FHIT: variants seen among roughly 807,000 people sequenced by gnomAD.
The protein encoded by FHIT is fragile histidine triad diadenosine triphosphatase, also known as bis(5'-adenosyl)-triphosphatase.
FHIT carries 19 observed loss-of-function variants against 17.9 expected under a neutral mutation model. The observed-to-expected ratio is 1.06, with a 90% CI of 0.74 to 1.56. FHIT has a LOEUF of 1.56. Ranked by LOEUF, FHIT falls within the 40% of genes most tolerant of loss-of-function variation. The pLI, the probability that FHIT is intolerant of heterozygous loss-of-function variation, is 0.00. For synonymous variants in FHIT, 81 were observed against 69.7 expected (o/e 1.16, Z -0.81); for missense variants, 248 against 189.2 (o/e 1.31, Z -1.82).
At chr3:59,908,272 C>T (rs573322625) in intron 8 of FHIT, among the ~76,000 whole-genome samples, 10 of 152,302 alleles carry the variant, frequency 6.6e-5, no homozygotes, top group Middle Eastern at 3.4e-3. Flanking sequence ...CACAGCTTTG[C>T]AAAGAGAATA....
intron 3 of FHIT, among the ~76,000 whole-genome samples, chr3:61,012,594 T>A: frequency 6.6e-6 from 1 of 151,948 alleles, no homozygotes; most frequent in East Asian, 1.9e-4. Context: ...ACAAATAATA[T>A]TTGACTTGAT....
At chr3:60,242,291 T>C (rs1241985762) in intron 5 of FHIT, among the ~76,000 whole-genome samples, 1 of 147,616 alleles carries the variant, frequency 6.8e-6, no homozygotes, top group Non-Finnish European at 1.5e-5. Context: ...AGGAAATTTG[T>C]TTAAAATCCT....
intron 5 of FHIT, among the ~76,000 whole-genome samples, chr3:60,291,123 G>C (rs1030379081): frequency 1.3e-5 from 2 of 152,142 alleles, no homozygotes; most frequent in African/African-American, 4.8e-5. Context: ...CAAGGAGTGA[G>C]GTTAAATGGG....
chr3:59,981,778 C>T (rs1040918145), intron 7 of FHIT, among the ~76,000 whole-genome samples: 1 of 152,014 alleles, frequency 6.6e-6, no homozygotes, highest in African/African-American at 2.4e-5. Context: ...GCCAAATTAA[C>T]CTGAAATGCA....
chr3:60,118,173 A>G (rs1200342029), intron 5 of FHIT, among the ~76,000 whole-genome samples: 1 of 151,978 alleles, frequency 6.6e-6, no homozygotes, highest in Non-Finnish European at 1.5e-5. Flanking sequence ...GTAGTGCAAT[A>G]ATGTCTCACC....
At chr3:59,835,022 A>T (rs570239172) in intron 8 of FHIT, among the ~76,000 whole-genome samples, 2 of 152,288 alleles carry the variant, frequency 1.3e-5, no homozygotes, top group African/African-American at 4.8e-5. Context: ...TTTTATGTAG[A>T]TATGCAAAGA....
chr3:59,879,564 A>ATGTGTG (rs1703310590), intron 8 of FHIT, among the ~76,000 whole-genome samples: 1 of 152,206 alleles, frequency 6.6e-6, no homozygotes, highest in Non-Finnish European at 1.5e-5. Flanking sequence ...TGAAATCTTA[A>ATGTGTG]CTATGTGATG....
At chr3:61,041,774 A>C (rs1391844655) in intron 3 of FHIT, among the ~76,000 whole-genome samples, 2 of 152,204 alleles carry the variant, frequency 1.3e-5, no homozygotes, top group Non-Finnish European at 2.9e-5. Flanking sequence ...TTTTGAGCTA[A>C]TAAAATGCAT....
At chr3:61,239,620 T>C (rs1410577732) in intron 1 of FHIT, among the ~76,000 whole-genome samples, 1 of 151,952 alleles carries the variant, frequency 6.6e-6, no homozygotes, top group African/African-American at 2.4e-5. Flanking sequence ...CTATGTGTTA[T>C]CTGTCCCCTT....
intron 5 of FHIT, among the ~76,000 whole-genome samples, chr3:60,220,278 G>C (rs1703902988): frequency 6.6e-6 from 1 of 151,908 alleles, no homozygotes. Flanking sequence ...GATAAAACTG[G>C]GTATAAATGC....
At chr3:60,857,526 T>A (rs1487759037) in intron 3 of FHIT, among the ~76,000 whole-genome samples, 4 of 151,900 alleles carry the variant, frequency 2.6e-5, no homozygotes, top group Admixed American at 2.6e-4. Flanking sequence ...AGGATTAAAT[T>A]AGATAATACA....
intron 7 of FHIT, among the ~76,000 whole-genome samples, chr3:60,001,552 G>A (rs1054324648): frequency 1.3e-5 from 2 of 152,170 alleles, no homozygotes; most frequent in African/African-American, 2.4e-5. Context: ...AGATCAGAGC[G>A]ATTCAGAACT....
At chr3:60,579,382 T>G (rs1474170819) in intron 4 of FHIT, among the ~76,000 whole-genome samples, 2 of 152,184 alleles carry the variant, frequency 1.3e-5, no homozygotes, top group Non-Finnish European at 2.9e-5. Flanking sequence ...TATAATCTTA[T>G]GAAACCTCAG....
intron 8 of FHIT, among the ~76,000 whole-genome samples, chr3:59,874,264 G>C (rs1022273327): frequency 6.6e-6 from 1 of 152,132 alleles, no homozygotes; most frequent in Non-Finnish European, 1.5e-5. Context: ...AAACAATTTC[G>C]TGCCATGTGT....
chr3:60,689,330 A>T (rs868940417), intron 4 of FHIT, among the ~76,000 whole-genome samples: 1 of 152,190 alleles, frequency 6.6e-6, no homozygotes, highest in Admixed American at 6.5e-5. Context: ...CTCAGGAAAA[A>T]AAAATGGCAT....
At chr3:60,542,771 C>T (rs967982280) in intron 4 of FHIT, among the ~76,000 whole-genome samples, 89 of 152,238 alleles carry the variant, frequency 5.8e-4, no homozygotes, top group African/African-American at 2.1e-3. Context: ...CCAAGTCCAT[C>T]AATTTTCTTT....
intron 5 of FHIT, among the ~76,000 whole-genome samples, chr3:60,363,282 T>C (rs1576540603): frequency 1.3e-5 from 2 of 152,244 alleles, no homozygotes; most frequent in South Asian, 4.2e-4. Context: ...CGTGTGTGTG[T>C]GCCTATGAAG....
chr3:60,235,532 T>C (rs1477620216), intron 5 of FHIT, among the ~76,000 whole-genome samples: 1 of 152,122 alleles, frequency 6.6e-6, no homozygotes, highest in Non-Finnish European at 1.5e-5. Context: ...CCCGGCCATA[T>C]CTATGCTTTT....
At chr3:60,856,372 T>TG (rs1436505556) in intron 3 of FHIT, 9 of 152,054 alleles carry the variant, frequency 5.9e-5, no homozygotes, top group African/African-American at 2.2e-4. Flanking sequence ...GCCAAAGAGA[T>TG]TTTTTTTAAA....
Sources: allele counts gnomAD v4.1 joint callset (sites outside exome capture counted in the v4.1 genomes callset), GRCh38; gene constraint gnomAD v4.1.1; transcripts MANE v1.5; gene names NCBI Gene and HGNC (gene_info 2026-07-23, HGNC 2026-07-21).